CACNA1C: variants seen among roughly 807,000 people sequenced by gnomAD.
CACNA1C encodes the protein voltage-dependent L-type calcium channel subunit alpha-1C.
In CACNA1C, 30 loss-of-function variants were observed where a neutral mutation model predicts 229.0. That is an observed-to-expected ratio of 0.13 (90% CI 0.10 to 0.18). CACNA1C has a LOEUF of 0.18. Among genes scored for constraint, CACNA1C ranks in the 10% least tolerant of loss-of-function variants. The pLI, the probability that CACNA1C is intolerant of heterozygous loss-of-function variation, is 1.00. For missense variants in CACNA1C, 1,658 were observed against 2,845.0 expected, an observed-to-expected ratio of 0.58 and a Z score of 9.49; for synonymous variants, 1,114 against 1,132.5, an observed-to-expected ratio of 0.98 and a Z score of 0.33.
At chr12:2,339,713 A>G (rs568981918) in intron 3 of CACNA1C, among the ~76,000 whole-genome samples, 1 of 152,212 alleles carries the variant, frequency 6.6e-6, no homozygotes, top group Non-Finnish European at 1.5e-5. Context: ...TCAAGATGTC[A>G]TGAGGTGATA....
At chr12:2,269,664 G>A (rs1341376945) in intron 3 of CACNA1C, 1 of 152,160 alleles carries the variant, frequency 6.6e-6, no homozygotes, top group Non-Finnish European at 1.5e-5. Flanking sequence ...CGAGTGTTCA[G>A]TTGGCATCAT....
chr12:2,676,659 A>G (rs2096833982), intron 39 of CACNA1C: 1 of 159,998 alleles, frequency 6.3e-6, no homozygotes, highest in Non-Finnish European at 1.4e-5. Context: ...ACCGTTTTGC[A>G]CTTGCACTTG....
chr12:2,601,793 A>T lies in CACNA1C; in HGVS notation c.2854-61A>T. On this transcript the variant is annotated intron_variant, in intron 21 of 46. Coordinates refer to ENST00000399655, the MANE Select transcript of CACNA1C (RefSeq NM_000719.7). This position sits in a 1 kb window ranked among gnomAD's most constrained non-coding sequence, Gnocchi z 5.9. ...TGCTGTGGGAGGAAGGGGTGGTGTG[A>T]GGGGTCTCTGGGCTAGGGCTAGGGC... is the stretch of plus-strand genomic sequence containing the variant. 1 of 1,032,112 alleles carries T rather than the reference A, an allele frequency of 9.7e-7. No individual in the cohort carries two copies. The highest frequency in any genetic ancestry group is 2.4e-5 in the East Asian group (1 of 42,156). The allele number at this position is 1,032,112 out of a possible 1,614,324, so 63.9% of individuals were successfully genotyped here.
At chr12:2,379,703 C>T (rs1274624505) in intron 3 of CACNA1C, among the ~76,000 whole-genome samples, 2 of 152,144 alleles carry the variant, frequency 1.3e-5, no homozygotes, top group African/African-American at 4.8e-5. Context: ...TCACCCATTA[C>T]AGAGAGCCTG....
At position 2,285,423 on chromosome 12, in the gene CACNA1C, G is replaced by C. The variant is rs1253719286; in HGVS notation, c.478-163553G>C. Among the ~76,000 whole-genome samples, 1 of 152,196 alleles carries C rather than the reference G, an allele frequency of 6.6e-6. No individual in the cohort carries two copies. Among genetic ancestry groups the C allele is most frequent in the East Asian group, 1.9e-4 (1 of 5,198 alleles). Reference sequence around the variant, plus strand: ...ACTGGCTGGAACCACTTGTGAAGGTGACGTAGGGCTGCAGGGAGAGCCCAG... The same window carrying C: ...ACTGGCTGGAACCACTTGTGAAGGTCACGTAGGGCTGCAGGGAGAGCCCAG... On this transcript the variant is annotated intron_variant, in intron 3 of 46. Coordinates refer to ENST00000399655, the MANE Select transcript of CACNA1C (RefSeq NM_000719.7). This position sits in a 1 kb window ranked among gnomAD's most constrained non-coding sequence, Gnocchi z 4.2.
chr12:2,588,015 C>G (rs1336808677), intron 18 of CACNA1C, among the ~76,000 whole-genome samples: 3 of 152,178 alleles, frequency 2.0e-5, no homozygotes, highest in Admixed American at 2.0e-4. Context: ...CACTCTGCCC[C>G]CAAAGGCTAA....
At chr12:2,065,934 T>C (rs1303761634) in intron 1 of CACNA1C, among the ~76,000 whole-genome samples, 1 of 152,054 alleles carries the variant, frequency 6.6e-6, no homozygotes. Flanking sequence ...AAGGGGATAA[T>C]GCGTGGAGCA....
chr12:2,351,753 C>T (rs1355319407), intron 3 of CACNA1C, among the ~76,000 whole-genome samples: 3 of 152,118 alleles, frequency 2.0e-5, no homozygotes, highest in South Asian at 4.1e-4. Context: ...GTCATGAGAG[C>T]GTGTTTCCTC....
In CACNA1C at chr12:2,354,648, C is replaced by G. The variant is rs2097303559; in HGVS notation, c.478-94328C>G. Among the ~76,000 whole-genome samples the G allele has an allele frequency of 6.6e-6, 1 of 152,130 alleles. No individual in the cohort carries two copies. Among genetic ancestry groups the G allele is most frequent in the Non-Finnish European group, 1.5e-5 (1 of 68,012 alleles). ...CGGAGTCCATCCTTTCTCCTGGCCT[C>G]CAGGGAGAGCCCAGACACTCCTGAC... is the stretch of plus-strand genomic sequence containing the variant. On this transcript the variant is annotated intron_variant, in intron 3 of 46. Coordinates refer to ENST00000399655, the MANE Select transcript of CACNA1C (RefSeq NM_000719.7). The surrounding 1 kb of genome is among the most constrained non-coding windows in gnomAD (Gnocchi z 4.6).
In CACNA1C at chr12:2,450,366, A is replaced by AAC. The variant is rs557194439; in HGVS notation, c.617+1254_617+1255dup. Among the ~76,000 whole-genome samples, 325 of 151,758 alleles carry AAC rather than the reference A, an allele frequency of 2.1e-3. 8 individuals are homozygous for AAC. The East Asian group carries it at 0.053, about 25-fold the overall frequency. ...TCAGGAGATCGAGACCATCCTGGCT[A>AAC]ACACGGTGAAACCCCGTCTCTACTA... is the stretch of plus-strand genomic sequence containing the variant. On this transcript the variant is annotated intron_variant, in intron 4 of 46. Transcript: ENST00000399655.
chr12:2,349,636 G>T (rs1025330365), intron 3 of CACNA1C, among the ~76,000 whole-genome samples: 1 of 152,102 alleles, frequency 6.6e-6, no homozygotes, highest in Non-Finnish European at 1.5e-5. Flanking sequence ...CAGGAGGAAG[G>T]TACTGCAGAG....
At chr12:2,320,273 C>A (rs911593308) in intron 3 of CACNA1C, among the ~76,000 whole-genome samples, 6 of 152,230 alleles carry the variant, frequency 3.9e-5, no homozygotes, top group African/African-American at 4.8e-5. Context: ...TTATTCCAGG[C>A]TGACAGAGCA....
chr12:2,355,076 C>CTG (rs35500677), intron 3 of CACNA1C, among the ~76,000 whole-genome samples: 9,115 of 152,254 alleles, frequency 0.06, 275 homozygotes, highest in Admixed American at 0.065. Flanking sequence ...AAAACCAACT[C>CTG]TGCCCGCTTC....
intron 18 of CACNA1C, among the ~76,000 whole-genome samples, chr12:2,589,795 A>G (rs2064355204): frequency 6.6e-6 from 1 of 152,190 alleles, no homozygotes; most frequent in Non-Finnish European, 1.5e-5. Flanking sequence ...GGCAGCTTGG[A>G]CAGGGGATGG....
At chr12:2,092,040 G>A (rs977334659) in intron 1 of CACNA1C, among the ~76,000 whole-genome samples, 3 of 152,168 alleles carry the variant, frequency 2.0e-5, no homozygotes, top group Non-Finnish European at 2.9e-5. Flanking sequence ...CTCATGTGGT[G>A]TCCTCACATT....
chr12:2,233,899 G>A (rs2066292682), intron 3 of CACNA1C, among the ~76,000 whole-genome samples: 1 of 152,136 alleles, frequency 6.6e-6, no homozygotes, highest in Middle Eastern at 3.2e-3. Flanking sequence ...AGTCAAGTTG[G>A]ATCTGGGTTC....
chr12:2,089,246 C>G (rs563463350), intron 1 of CACNA1C, among the ~76,000 whole-genome samples: 1 of 152,336 alleles, frequency 6.6e-6, no homozygotes, highest in Admixed American at 6.5e-5. Flanking sequence ...CCACCCCTGT[C>G]TGTCCCCCCG....
At chr12:2,055,899 TG>T (rs1469769173) in intron 1 of CACNA1C, among the ~76,000 whole-genome samples, 1 of 151,484 alleles carries the variant, frequency 6.6e-6, no homozygotes, top group Admixed American at 6.6e-5. Flanking sequence ...GTGGTGGAGG[TG>T]GGAAGGGCAG....
chr12:2,142,187 C>T lies in CACNA1C; in HGVS notation c.477+21757C>T, dbSNP rs777270893. Among the ~76,000 whole-genome samples the T allele has an allele frequency of 6.0e-5, 9 of 151,190 alleles. 1 individual carries two copies. The highest frequency in any genetic ancestry group is 1.2e-4 in the Non-Finnish European group (8 of 67,584). ...TCACCTCCCACCATCTCCCAAGGACCGTGTGGGGTGGATCATACAGTCAGG... is the reference window on the plus strand; with the variant it reads ...TCACCTCCCACCATCTCCCAAGGACTGTGTGGGGTGGATCATACAGTCAGG... On this transcript the variant is annotated intron_variant, in intron 3 of 46. Transcript: ENST00000399655.
Sources: allele counts gnomAD v4.1 joint callset (sites outside exome capture counted in the v4.1 genomes callset), GRCh38; gene constraint gnomAD v4.1.1; non-coding constraint Gnocchi (gnomAD v3.1); transcripts MANE v1.5; gene names NCBI Gene and HGNC (gene_info 2026-07-23, HGNC 2026-07-21).